Variants in ESPN observed in about 807,000 individuals in gnomAD.
ESPN encodes the protein espin.
In ESPN, 68 loss-of-function variants were observed where a neutral mutation model predicts 77.7. That is an observed-to-expected ratio of 0.87 (90% CI 0.72 to 1.07). ESPN has a LOEUF of 1.07. Among genes scored for constraint, ESPN ranks in the 50% least tolerant of loss-of-function variants. The pLI is 0.00. For missense variants in ESPN, 1,060 were observed against 1,239.0 expected (o/e 0.86, Z 2.17); for synonymous variants, 449 against 567.1 (o/e 0.79, Z 2.96).
At position 6,444,539 on chromosome 1, in the gene ESPN, C is replaced by T. The variant is rs143645714; in HGVS notation, c.1049C>T (p.Pro350Leu). The T allele has an allele frequency of 2.4e-5, 39 of 1,614,108 alleles. No homozygotes were observed. Among genetic ancestry groups the T allele is most frequent in the African/African-American group, 4.0e-5 (3 of 74,934 alleles). The change falls in exon 6 of 13, where the codon CCG (proline) becomes CTG (leucine). Residue 350 changes from proline (P) to leucine (L), a missense_variant. By Grantham distance (98) the Pro-to-Leu change is moderately conservative (BLOSUM62 -3). Transcript: ENST00000645284. ...TCCGCAGAGCTGGAGGCTAAGCAGC[C>T]GGATTCAGGCATGTCCTCACCCAAT... ...DPSAELEAKQ[P>L]DSGMSSPNTT...
In ESPN at chr1:6,447,380, G is replaced by A. The variant is rs1269769465; in HGVS notation, c.1465-1261G>A. 6.6e-6 allele frequency: 1 copy of A among 152,320 alleles called. No individual in the cohort carries two copies. Among genetic ancestry groups the A allele is most frequent in the African/African-American group, 2.4e-5 (1 of 41,462 alleles). 9.4% of individuals were successfully genotyped at this position (152,320 alleles called of 1,614,324 possible). ...GCAGGGTCGTGGCGTCCGAACCTCC[G>A]GGCTGCAGGGGGCGCGGAGCGGGCG... On this transcript the variant is annotated intron_variant, in intron 7 of 12. Transcript: ENST00000645284. The surrounding 1 kb of genome is among the most constrained non-coding windows in gnomAD (Gnocchi z 5.2).
At position 6,428,002 on chromosome 1, in the gene ESPN, A is replaced by G. The variant is rs1262816858; in HGVS notation, c.295-224A>G. ...CCCTGCACGGTGCTGCCTATTGGCTACGGTTCAGAGAGGGCCAGTTAGTTG... is the reference window on the plus strand; with the variant it reads ...CCCTGCACGGTGCTGCCTATTGGCTGCGGTTCAGAGAGGGCCAGTTAGTTG... On this transcript the variant is annotated intron_variant, in intron 1 of 12. Transcript: ENST00000645284. The surrounding 1 kb of genome is among the most constrained non-coding windows in gnomAD (Gnocchi z 5.4). Among the ~76,000 whole-genome samples the G allele has an allele frequency of 6.6e-6, 1 of 152,208 alleles. No homozygotes were observed. The highest frequency in any genetic ancestry group is 1.5e-5 in the Non-Finnish European group (1 of 68,030).
chr1:6,451,633 C>A lies in ESPN; in HGVS notation c.1946C>A (p.Thr649Lys), dbSNP rs373536201. The A allele has an allele frequency of 1.9e-6, 3 of 1,613,078 alleles. No individual in the cohort carries two copies. The highest frequency in any genetic ancestry group is 1.3e-5 in the African/African-American group (1 of 74,950). The change falls in exon 9 of 13, where the codon ACG becomes AAG. Residue 649 changes from threonine (T) to lysine (K), a missense_variant. By Grantham distance (78) the Thr-to-Lys change is moderately conservative (BLOSUM62 -1). Transcript: ENST00000645284. This position sits in a 1 kb window ranked among gnomAD's most constrained non-coding sequence, Gnocchi z 4.3. ...STKSFNMMSPTGDNSELLAEI... is the reference protein window; with the variant it reads ...STKSFNMMSPKGDNSELLAEI... Reference sequence around the variant, plus strand: ...AAGTCTTTCAACATGATGTCCCCGACGGGCGACAACTCGGAGCTACTGGCT... The same window carrying A: ...AAGTCTTTCAACATGATGTCCCCGAAGGGCGACAACTCGGAGCTACTGGCT...
rs541633735 is a variant in ESPN, at chr1:6,432,488, A to G, written c.488+4069A>G. 5.3e-5 allele frequency among the ~76,000 whole-genome samples: 8 copies of G among 152,334 alleles called. No homozygotes were observed. In the East Asian group the frequency reaches 1.5e-3, roughly 29 times the overall value. On this transcript the variant is annotated intron_variant, in intron 2 of 12. Coordinates refer to ENST00000645284, the MANE Select transcript of ESPN (RefSeq NM_031475.3). ...GGAAGGGCCTGGTGGAGTCCGGAGC[A>G]GCCCCTCACAGCAGGAGACCATCTC...
At chr1:6,445,179 C>T (rs1643783564) in intron 6 of ESPN, among the ~76,000 whole-genome samples, 2 of 152,216 alleles carry the variant, frequency 1.3e-5, no homozygotes, top group African/African-American at 4.8e-5. Flanking sequence ...TGCACAAATG[C>T]GTACCCCCTC....
At chr1:6,461,139 G>T, downstream of ESPN, 1 of 632,092 alleles carries the variant, frequency 1.6e-6, no homozygotes, top group Non-Finnish European at 3.0e-6. This position sits in a 1 kb window ranked among gnomAD's most constrained non-coding sequence, Gnocchi z 6.3. Flanking sequence ...CCGCAGAAAC[G>T]CCAAGAAGCC....
chr1:6,455,319 T>C, intron 10 of ESPN: 1 of 386,554 alleles, frequency 2.6e-6, no homozygotes, highest in Non-Finnish European at 4.6e-6. Flanking sequence ...CCGCTGGGCC[T>C]GCCGCGGACC....
At position 6,448,969 on chromosome 1, in the gene ESPN, C is replaced by T. The variant is rs1403315867; in HGVS notation, c.1793C>T (p.Pro598Leu). The T allele has an allele frequency of 6.4e-6, 9 of 1,407,510 alleles. No individual in the cohort carries two copies. The highest frequency in any genetic ancestry group is 8.3e-6 in the Non-Finnish European group (9 of 1,079,058). The allele number at this position is 1,407,510 out of a possible 1,614,324, so 87.2% of individuals were successfully genotyped here. A position where few individuals can be genotyped will look rare whatever the true frequency, so the allele number is the denominator to read the frequency against. ...DPKASRELPP[P>L]PPPPPPPLPE... is the part of the protein sequence containing the mutation. ...AAGGCGTCCAGGGAGCTGCCACCGC[C>T]GCCCCCACCGCCGCCGCCGCCCCTG... Residue 598 changes from proline to leucine, a missense_variant, in exon 8 of 13, where the codon CCG (proline) becomes CTG (leucine). Physicochemically the swap from Pro to Leu is moderately conservative, Grantham distance 98 (BLOSUM62 -3). Around this residue, in one of 3 missense-constraint regions of ESPN, gnomAD observed 374 missense variants for 381.4 expected, o/e 0.98. Coordinates refer to ENST00000645284, the MANE Select transcript of ESPN (RefSeq NM_031475.3).
In ESPN at chr1:6,449,016, C is replaced by A. The variant is rs1351841812; in HGVS notation, c.1840C>A (p.Pro614Thr). ...CCTGCCGGAGGCCGCGAGTTCGCCACCGCCGGCCCCGCCTCTGCCCCTCGA... is the reference window on the plus strand; with the variant it reads ...CCTGCCGGAGGCCGCGAGTTCGCCAACGCCGGCCCCGCCTCTGCCCCTCGA... ...PPLPEAASSP[P>T]PAPPLPLESA... Residue 614 changes from proline to threonine, a missense_variant, in exon 8 of 13, where the codon CCG becomes ACG. Around this residue, in one of 3 missense-constraint regions of ESPN, gnomAD observed 374 missense variants for 381.4 expected, o/e 0.98. Transcript: ENST00000645284. The A allele has an allele frequency of 1.4e-6, 2 of 1,462,666 alleles. No individual in the cohort carries two copies. The highest frequency in any genetic ancestry group is 2.6e-5 in the South Asian group (2 of 75,740). The allele number at this position is 1,462,666 out of a possible 1,614,324, so 90.6% of individuals were successfully genotyped here. A position where few individuals can be genotyped will look rare whatever the true frequency, so the allele number is the denominator to read the frequency against.
At chr1:6,454,017 G>A (rs979056918) in intron 10 of ESPN, among the ~76,000 whole-genome samples, 1 of 152,200 alleles carries the variant, frequency 6.6e-6, no homozygotes, top group African/African-American at 2.4e-5. Context: ...TGGAGAAGGG[G>A]TCATGAGTCT....
rs917979976 is a variant in ESPN, at chr1:6,424,790, C to T, written c.-166C>T. 1.0e-5 allele frequency: 7 copies of T among 700,954 alleles called. No individual in the cohort carries two copies. The highest frequency in any genetic ancestry group is 1.2e-5 in the Non-Finnish European group (6 of 513,386). 43.4% of individuals were successfully genotyped at this position (700,954 alleles called of 1,614,324 possible). A position where few individuals can be genotyped will look rare whatever the true frequency, so the allele number is the denominator to read the frequency against. Reference sequence around the variant, plus strand: ...GCTCCGGCCCCAGAGCGCGGCGGAGCGGAGCGCCAGGCAGCGCGGAGCGGA... The same window carrying T: ...GCTCCGGCCCCAGAGCGCGGCGGAGTGGAGCGCCAGGCAGCGCGGAGCGGA... On this transcript the variant is annotated 5_prime_UTR_variant, in exon 1 of 13. Transcript: ENST00000645284.
rs376529678 is a variant in ESPN, at chr1:6,451,646, G to A, written c.1959G>A (p.Ser653=). The change falls in exon 9 of 13, where the codon TCG becomes TCA. Residue 653 remains serine (S), a synonymous_variant. Transcript: ENST00000645284. The surrounding 1 kb of genome is among the most constrained non-coding windows in gnomAD (Gnocchi z 4.3). ...TGATGTCCCCGACGGGCGACAACTC[G>A]GAGCTACTGGCTGAGATTAAGGCAG... ...FNMMSPTGDN[S]ELLAEIKAGK... is the part of the protein sequence containing the mutation. 77 of 1,613,134 alleles carry A rather than the reference G, an allele frequency of 4.8e-5. No homozygotes were observed. The highest frequency in any genetic ancestry group is 6.7e-5 in the African/African-American group (5 of 74,938).
chr1:6,435,217 C>T (rs1197314477), intron 2 of ESPN, among the ~76,000 whole-genome samples: 4 of 151,958 alleles, frequency 2.6e-5, no homozygotes, highest in Admixed American at 6.6e-5. Flanking sequence ...TCAAAGCAGT[C>T]ACAGGCCGCA....
intron 7 of ESPN, 86 bp from the exon 8 acceptor site, chr1:6,448,555 C>T: frequency 7.9e-7 from 1 of 1,260,446 alleles, no homozygotes; most frequent in Admixed American, 2.4e-5. Flanking sequence ...CCGCGAGTCC[C>T]CAGGAGGTGA....
chr1:6,445,112 CAT>C (rs1001548110), intron 6 of ESPN, among the ~76,000 whole-genome samples: 26 of 148,824 alleles, frequency 1.7e-4, no homozygotes, highest in East Asian at 1.2e-3. Flanking sequence ...CACACACACA[CAT>C]ACACACCATG....
At chr1:6,436,901 T>A (rs561521453) in intron 2 of ESPN, among the ~76,000 whole-genome samples, 1 of 152,266 alleles carries the variant, frequency 6.6e-6, no homozygotes, top group African/African-American at 2.4e-5. Context: ...TGGAGGGGGA[T>A]GTTGAGCCGG....
At chr1:6,453,078 G>C (rs1643980917) in intron 10 of ESPN, among the ~76,000 whole-genome samples, 1 of 152,144 alleles carries the variant, frequency 6.6e-6, no homozygotes, top group Non-Finnish European at 1.5e-5. Flanking sequence ...ATTCTTAGTA[G>C]AGATGGGGTT....
At position 6,451,185 on chromosome 1, in the gene ESPN, T is replaced by A; in HGVS notation, c.1916-418T>A. 1 of 335,554 alleles carries A rather than the reference T, an allele frequency of 3.0e-6. No individual in the cohort carries two copies. Among genetic ancestry groups the A allele is most frequent in the Non-Finnish European group, 5.8e-6 (1 of 173,470 alleles). The allele number at this position is 335,554 out of a possible 1,614,324, so 20.8% of individuals were successfully genotyped here. ...AGTTCAAGGGTCACTGAGGCTTTGC[T>A]GATGTAGGGAGAGGGCCAGAGGGAG... On this transcript the variant is annotated intron_variant, in intron 8 of 12. Transcript: ENST00000645284. This position sits in a 1 kb window ranked among gnomAD's most constrained non-coding sequence, Gnocchi z 4.3.
intron 6 of ESPN, 79 bp downstream of exon 6, chr1:6,444,761 C>A: frequency 6.5e-7 from 1 of 1,541,330 alleles, no homozygotes; most frequent in Non-Finnish European, 8.9e-7. Context: ...TGGCCTTGGG[C>A]CGCCCTGCCA....
Sources: gnomAD v4.1 joint callset for allele counts (sites outside exome capture counted in the v4.1 genomes callset) on GRCh38, gnomAD v4.1.1 for gene constraint, gnomAD v4.1.1 regional missense constraint, Gnocchi (gnomAD v3.1) non-coding constraint, MANE v1.5 for transcripts, NCBI Gene and HGNC (gene_info 2026-07-23, HGNC 2026-07-21) for gene names.